Variants in PRKCB observed in about 807,000 individuals in gnomAD.
The protein encoded by PRKCB is protein kinase C beta.
PRKCB carries 13 observed loss-of-function variants against 81.5 expected under a neutral mutation model. That is an observed-to-expected ratio of 0.16 (90% CI 0.10 to 0.25). The LOEUF (loss-of-function observed/expected upper bound fraction) is 0.25, where lower values mean the gene tolerates loss of function less well. PRKCB is among the 10% of genes least tolerant of loss of function. The pLI is 1.00. For missense variants in PRKCB, 509 were observed against 875.7 expected (o/e 0.58, Z 5.29); for synonymous variants, 335 against 321.4 (o/e 1.04, Z -0.45).
chr16:23,972,324 C>T (rs1230387251), intron 2 of PRKCB, among the ~76,000 whole-genome samples: 1 of 151,906 alleles, frequency 6.6e-6, no homozygotes, highest in Admixed American at 6.6e-5. Context: ...GTGGTACATG[C>T]GTATAATACA....
chr16:24,040,684 A>G (rs1433429474), intron 5 of PRKCB, among the ~76,000 whole-genome samples: 1 of 152,216 alleles, frequency 6.6e-6, no homozygotes, highest in Non-Finnish European at 1.5e-5. Flanking sequence ...TGATAGATAG[A>G]TATAAGGCTT....
chr16:23,962,432 C>T (rs571265019), intron 2 of PRKCB, among the ~76,000 whole-genome samples: 1 of 152,342 alleles, frequency 6.6e-6, no homozygotes, highest in East Asian at 1.9e-4. Context: ...TTGTAACCCT[C>T]TTTAGCATAT....
chr16:24,040,562 A>C (rs1254892725), intron 5 of PRKCB, among the ~76,000 whole-genome samples: 1 of 152,154 alleles, frequency 6.6e-6, no homozygotes, highest in African/African-American at 2.4e-5. Flanking sequence ...TAGCTCCATG[A>C]GGGCGGGACT....
intron 9 of PRKCB, among the ~76,000 whole-genome samples, chr16:24,144,087 C>A (rs1044097038): frequency 1.3e-5 from 2 of 151,498 alleles, no homozygotes; most frequent in African/African-American, 4.9e-5. Context: ...GCATATATTT[C>A]TGATTGCTTT....
intron 5 of PRKCB, among the ~76,000 whole-genome samples, chr16:24,051,258 A>G (rs1227882063): frequency 6.6e-6 from 1 of 152,208 alleles, no homozygotes; most frequent in Non-Finnish European, 1.5e-5. Flanking sequence ...TGTTTCTGTG[A>G]GAAGGAGCAG....
At chr16:23,882,008 T>TTTCTTTCTTTCTTTC (rs1963120994) in intron 2 of PRKCB, among the ~76,000 whole-genome samples, 1 of 97,816 alleles carries the variant, frequency 1.0e-5, no homozygotes, top group South Asian at 3.8e-4. Context: ...CTTTCTTTCT[T>TTTCTTTCTTTCTTTC]TCTTTCTTTC....
At position 23,912,832 on chromosome 16, in the gene PRKCB, ATTTATTTT is replaced by A. The variant is rs1355388751; in HGVS notation, c.205+75429_205+75436del. Among the ~76,000 whole-genome samples the A allele has an allele frequency of 8.5e-5, 12 of 141,804 alleles. No individual in the cohort carries two copies. The Admixed American group carries it at 8.6e-4, about 10-fold the overall frequency. The allele number at this position is 141,804 out of a possible 152,430, so 93.0% of individuals were successfully genotyped here. ...CTGGCCTTTATTTATTTATTTATTTATTTATTTTTTGATATGGAGTCATGCTCTGTTGC... is the reference window on the plus strand; with the variant it reads ...CTGGCCTTTATTTATTTATTTATTTATTGATATGGAGTCATGCTCTGTTGC... On this transcript the variant is annotated intron_variant, in intron 2 of 16. Coordinates refer to ENST00000643927, the MANE Select transcript of PRKCB (RefSeq NM_002738.7).
intron 2 of PRKCB, among the ~76,000 whole-genome samples, chr16:23,871,519 C>G (rs1373566331): frequency 6.6e-6 from 1 of 152,198 alleles, no homozygotes; most frequent in Non-Finnish European, 1.5e-5. Flanking sequence ...AGTATCACCT[C>G]TTTGAGCCTT....
intron 2 of PRKCB, among the ~76,000 whole-genome samples, chr16:23,876,101 T>A (rs1030047956): frequency 3.3e-5 from 5 of 152,226 alleles, no homozygotes; most frequent in African/African-American, 7.2e-5. Context: ...ATCAACTCAT[T>A]TACACACGCA....
At chr16:23,981,389 A>AC (rs949366217) in intron 2 of PRKCB, among the ~76,000 whole-genome samples, 4 of 150,750 alleles carry the variant, frequency 2.7e-5, no homozygotes, top group African/African-American at 4.9e-5. Flanking sequence ...ATCTAGTATA[A>AC]CCCCCTTTCT....
intron 16 of PRKCB, among the ~76,000 whole-genome samples, chr16:24,197,192 A>C (rs1967892609): frequency 6.6e-6 from 1 of 152,220 alleles, no homozygotes; most frequent in African/African-American, 2.4e-5. Flanking sequence ...TAATAAACAT[A>C]GAAACAAGTA....
intron 3 of PRKCB, among the ~76,000 whole-genome samples, chr16:24,019,521 T>C (rs1179005216): frequency 6.6e-6 from 1 of 152,208 alleles, no homozygotes; most frequent in East Asian, 1.9e-4. Context: ...CCTAGCATTC[T>C]GGGAGGCCGA....
intron 5 of PRKCB, among the ~76,000 whole-genome samples, chr16:24,078,378 C>G (rs1293962413): frequency 6.6e-6 from 1 of 152,220 alleles, no homozygotes; most frequent in Non-Finnish European, 1.5e-5. Context: ...TAAACCTCGT[C>G]TGTCCTTCTT....
chr16:24,078,508 G>A (rs1966208096), intron 5 of PRKCB, among the ~76,000 whole-genome samples: 1 of 152,224 alleles, frequency 6.6e-6, no homozygotes, highest in South Asian at 2.1e-4. Context: ...GGGCCAACCT[G>A]AGGGGAACAG....
At chr16:24,201,967 C>G (rs540020492) in intron 16 of PRKCB, among the ~76,000 whole-genome samples, 3 of 149,984 alleles carry the variant, frequency 2.0e-5, no homozygotes, top group African/African-American at 7.4e-5. Context: ...ACCCAGGAGG[C>G]GGAGCTTGCA....
intron 2 of PRKCB, among the ~76,000 whole-genome samples, chr16:23,897,197 G>A (rs1020152060): frequency 6.6e-6 from 1 of 152,212 alleles, no homozygotes; most frequent in African/African-American, 2.4e-5. Context: ...CAGGGGCATG[G>A]GGAAGGCACA....
chr16:23,998,357 C>T (rs1485200647), intron 3 of PRKCB, among the ~76,000 whole-genome samples: 3 of 152,138 alleles, frequency 2.0e-5, no homozygotes, highest in Non-Finnish European at 4.4e-5. Context: ...CACCAATTCA[C>T]GTTATTGATT....
At chr16:23,869,027 GTGT>G (rs1426560922) in intron 2 of PRKCB, 3 of 436,634 alleles carry the variant, frequency 6.9e-6, no homozygotes, top group African/African-American at 4.0e-5. Flanking sequence ...GTGGTGGATT[GTGT>G]TGTTGTCTCA....
chr16:24,192,620 C>A (rs991965858), intron 16 of PRKCB, among the ~76,000 whole-genome samples: 1 of 152,218 alleles, frequency 6.6e-6, no homozygotes. Context: ...CCCATCCCCA[C>A]CAGCATAGAA....
Sources: allele counts gnomAD v4.1 joint callset (sites outside exome capture counted in the v4.1 genomes callset), GRCh38; gene constraint gnomAD v4.1.1; transcripts MANE v1.5; gene names NCBI Gene and HGNC (gene_info 2026-07-23, HGNC 2026-07-21).